TMEM132B: variants seen among roughly 807,000 people sequenced by gnomAD.
The protein encoded by TMEM132B is transmembrane protein 132B.
In TMEM132B, 18 loss-of-function variants were observed where a neutral mutation model predicts 90.8. The ratio of observed to expected loss-of-function variants is 0.20; its 90% CI spans 0.14 to 0.29. The LOEUF is 0.29. Among genes scored for constraint, TMEM132B ranks in the 10% least tolerant of loss-of-function variants. The probability of loss-of-function intolerance (pLI) is 1.00; values close to 1 mark genes in which losing one functional copy is unlikely to be tolerated. For synonymous variants in TMEM132B, 504 were observed against 523.3 expected, an observed-to-expected ratio of 0.96 and a Z score of 0.50; for missense variants, 1,096 against 1,326.8, an observed-to-expected ratio of 0.83 and a Z score of 2.70.
At chr12:125,248,717 A>G (rs1874256218) in intron 1 of TMEM132B, among the ~76,000 whole-genome samples, 1 of 152,110 alleles carries the variant, frequency 6.6e-6, no homozygotes, top group East Asian at 1.9e-4. Flanking sequence ...TGTGGGAAGG[A>G]GACTGGGTCA....
intron 1 of TMEM132B, among the ~76,000 whole-genome samples, chr12:125,198,865 G>A (rs1009801771): frequency 1.3e-5 from 2 of 152,166 alleles, no homozygotes; most frequent in African/African-American, 4.8e-5. Context: ...GCTGCCCTTT[G>A]AGCTGCTTCC....
chr12:125,495,048 C>A (rs1882513604), intron 3 of TMEM132B, among the ~76,000 whole-genome samples: 2 of 117,294 alleles, frequency 1.7e-5, no homozygotes, highest in African/African-American at 3.4e-5. Context: ...TCCTCCCCCT[C>A]CTCCCTGAAA....
chr12:125,406,967 G>A lies in TMEM132B; in HGVS notation c.960-8564G>A, dbSNP rs866286976. ...CCAGTTGACCTTTCCCAGTGGAGTC[G>A]TATGGACAGCATTTGCTTCTCCCAG... On this transcript the variant is annotated intron_variant, in intron 2 of 8. Transcript: ENST00000682704. The surrounding 1 kb of genome is among the most constrained non-coding windows in gnomAD (Gnocchi z 8.3). Among the ~76,000 whole-genome samples, 17 of 152,316 alleles carry A rather than the reference G, an allele frequency of 1.1e-4. No individual in the cohort carries two copies. The highest frequency in any genetic ancestry group is 4.1e-4 in the South Asian group (2 of 4,826).
chr12:125,509,709 T>G (rs1882932589), intron 3 of TMEM132B, among the ~76,000 whole-genome samples: 1 of 152,150 alleles, frequency 6.6e-6, no homozygotes, highest in Non-Finnish European at 1.5e-5. Context: ...TAGGAATGGA[T>G]TATCTATTCA....
At chr12:125,362,697 T>C (rs1202661597) in intron 2 of TMEM132B, among the ~76,000 whole-genome samples, 1 of 152,232 alleles carries the variant, frequency 6.6e-6, no homozygotes, top group Non-Finnish European at 1.5e-5. Context: ...AGGTACCTCA[T>C]AGAATGGAAA....
intron 3 of TMEM132B, among the ~76,000 whole-genome samples, chr12:125,435,645 A>G (rs1309827517): frequency 6.6e-6 from 1 of 152,258 alleles, no homozygotes; most frequent in African/African-American, 2.4e-5. Flanking sequence ...GAGGAAACAG[A>G]CAATGATAAA....
chr12:125,434,991 G>C (rs1880659627), intron 3 of TMEM132B, among the ~76,000 whole-genome samples: 1 of 152,142 alleles, frequency 6.6e-6, no homozygotes, highest in Non-Finnish European at 1.5e-5. Context: ...TAAGCGTTTG[G>C]GGAAACCCTC....
At chr12:125,409,213 T>C (rs1879610937) in intron 2 of TMEM132B, among the ~76,000 whole-genome samples, 2 of 152,192 alleles carry the variant, frequency 1.3e-5, no homozygotes, top group South Asian at 4.1e-4. Flanking sequence ...CTAGAATGCC[T>C]GCTGAGCCAG....
At chr12:125,631,436 A>G (rs1362552992) in intron 5 of TMEM132B, among the ~76,000 whole-genome samples, 2 of 152,120 alleles carry the variant, frequency 1.3e-5, no homozygotes, top group Non-Finnish European at 2.9e-5. Flanking sequence ...AATAATTCAC[A>G]TGCTCAGGAG....
intron 1 of TMEM132B, among the ~76,000 whole-genome samples, chr12:125,226,465 C>A (rs1243031316): frequency 6.6e-6 from 1 of 152,204 alleles, no homozygotes; most frequent in Non-Finnish European, 1.5e-5. Context: ...CTGAGAAAGG[C>A]ACTATTGTCT....
intron 1 of TMEM132B, among the ~76,000 whole-genome samples, chr12:125,304,468 C>T (rs56814511): frequency 0.28 from 42,806 of 151,810 alleles, 6,048 homozygotes; most frequent in Non-Finnish European, 0.3. Context: ...TTTGCAATGA[C>T]TTCATAAATA....
chr12:125,334,923 C>T (rs1263223755), intron 1 of TMEM132B, among the ~76,000 whole-genome samples: 1 of 152,230 alleles, frequency 6.6e-6, no homozygotes, highest in Non-Finnish European at 1.5e-5. Flanking sequence ...TCCTTCTGAG[C>T]GTGCGGCCCT....
At chr12:125,232,757 T>G (rs181644014) in intron 1 of TMEM132B, among the ~76,000 whole-genome samples, 17 of 152,384 alleles carry the variant, frequency 1.1e-4, no homozygotes, top group Non-Finnish European at 2.4e-4. Context: ...GTTTGGGCAA[T>G]TAATTAATTG....
At chr12:125,426,252 CA>C (rs1880317198) in intron 3 of TMEM132B, among the ~76,000 whole-genome samples, 1 of 152,082 alleles carries the variant, frequency 6.6e-6, no homozygotes, top group Non-Finnish European at 1.5e-5. Flanking sequence ...CTTCTTTGGT[CA>C]GGTGTCTGTT....
At chr12:125,190,702 G>T (rs1872744119) in intron 1 of TMEM132B, among the ~76,000 whole-genome samples, 2 of 33,076 alleles carry the variant, frequency 6.0e-5, no homozygotes, top group Non-Finnish European at 6.3e-5. Flanking sequence ...ATGGTGATGG[G>T]GAAGGGGTGG....
At chr12:125,265,174 G>A (rs1401636319) in intron 1 of TMEM132B, among the ~76,000 whole-genome samples, 1 of 152,194 alleles carries the variant, frequency 6.6e-6, no homozygotes, top group Non-Finnish European at 1.5e-5. Flanking sequence ...TGCATGGTCT[G>A]TTGTCGACAG....
At chr12:125,423,101 T>G (rs1168753511) in intron 3 of TMEM132B, among the ~76,000 whole-genome samples, 5 of 152,182 alleles carry the variant, frequency 3.3e-5, no homozygotes, top group African/African-American at 1.2e-4. Context: ...GCATTGGCCT[T>G]TGAAGAAAAG....
chr12:125,475,390 T>C (rs551751700), intron 3 of TMEM132B, among the ~76,000 whole-genome samples: 1 of 152,182 alleles, frequency 6.6e-6, no homozygotes, highest in South Asian at 2.1e-4. Context: ...GTCAACTTGA[T>C]TGGATTGAAG....
At chr12:125,516,740 G>A (rs1263469119) in intron 3 of TMEM132B, among the ~76,000 whole-genome samples, 1 of 152,136 alleles carries the variant, frequency 6.6e-6, no homozygotes. Flanking sequence ...CTGGATCTTC[G>A]CTTCCCTGGC....
Sources: gnomAD v4.1 joint callset for allele counts (sites outside exome capture counted in the v4.1 genomes callset) on GRCh38, gnomAD v4.1.1 for gene constraint, Gnocchi (gnomAD v3.1) non-coding constraint, MANE v1.5 for transcripts, NCBI Gene and HGNC (gene_info 2026-07-23, HGNC 2026-07-21) for gene names.